The following NUMB variants were observed in gnomAD, a reference collection of about 807,000 sequenced individuals.
NUMB encodes NUMB endocytic adaptor protein.
NUMB carries 29 observed loss-of-function variants against 59.7 expected under a neutral mutation model. The observed-to-expected ratio is 0.49, with a 90% CI of 0.36 to 0.66. The LOEUF (loss-of-function observed/expected upper bound fraction) is 0.66. Among genes scored for constraint, NUMB ranks in the 30% least tolerant of loss-of-function variants. The pLI is 0.00. For synonymous variants in NUMB, 288 were observed against 288.2 expected, an observed-to-expected ratio of 1.00 and a Z score of 0.01; for missense variants, 723 against 822.0, an observed-to-expected ratio of 0.88 and a Z score of 1.47.
At chr14:73,349,043 T>C (rs1179613682) in intron 4 of NUMB, among the ~76,000 whole-genome samples, 2 of 152,266 alleles carry the variant, frequency 1.3e-5, no homozygotes, top group Non-Finnish European at 2.9e-5. Context: ...CAGTTATTTG[T>C]GTCTTAATAT....
At chr14:73,422,247 G>C (rs1897381607) in intron 1 of NUMB, among the ~76,000 whole-genome samples, 1 of 152,092 alleles carries the variant, frequency 6.6e-6, no homozygotes, top group African/African-American at 2.4e-5. Context: ...GGCACTCCTG[G>C]CTCCTGTTCA....
At position 73,443,282 on chromosome 14, in the gene NUMB, TG is replaced by T. The variant is rs202095423; in HGVS notation, c.-233+15210del. On this transcript the variant is annotated intron_variant, in intron 1 of 12. Coordinates refer to ENST00000555238, the MANE Select transcript of NUMB (RefSeq NM_001005743.2). ...AGAACTATACTAGCCTTTCTGAAAA[TG>T]GTATGTTTGGGTAAGAAAAAAGTAG... Among the ~76,000 whole-genome samples the T allele has an allele frequency of 4.6e-3, 706 of 152,014 alleles. 5 individuals carry two copies. The highest frequency in any genetic ancestry group is 0.03 in the South Asian group (144 of 4,818).
intron 6 of NUMB, among the ~76,000 whole-genome samples, chr14:73,308,519 C>G (rs1890591036): frequency 1.3e-5 from 2 of 152,180 alleles, no homozygotes; most frequent in Admixed American, 1.3e-4. Flanking sequence ...ATCTTCACAA[C>G]AATCACATGA....
intron 1 of NUMB, among the ~76,000 whole-genome samples, chr14:73,423,330 T>C (rs1283949398): frequency 2.8e-5 from 4 of 142,992 alleles, no homozygotes; most frequent in Admixed American, 1.4e-4. Context: ...TGAAACCCTG[T>C]CTCTACTGAA....
intron 1 of NUMB, among the ~76,000 whole-genome samples, chr14:73,439,577 G>A (rs930271654): frequency 6.6e-6 from 1 of 152,046 alleles, no homozygotes; most frequent in Non-Finnish European, 1.5e-5. Context: ...AATTTATCAA[G>A]GTTAATACAA....
At chr14:73,408,862 A>G (rs1187736928) in intron 2 of NUMB, among the ~76,000 whole-genome samples, 1 of 149,032 alleles carries the variant, frequency 6.7e-6, no homozygotes, top group Non-Finnish European at 1.5e-5. Flanking sequence ...GGGCAACAAG[A>G]GCAAAACTCC....
intron 2 of NUMB, among the ~76,000 whole-genome samples, chr14:73,402,630 C>T (rs1326163067): frequency 6.6e-6 from 1 of 152,162 alleles, no homozygotes; most frequent in Non-Finnish European, 1.5e-5. Flanking sequence ...ATGTATTAGG[C>T]ACTGTATTAG....
chr14:73,437,749 G>A (rs1898118811), intron 1 of NUMB, among the ~76,000 whole-genome samples: 1 of 152,134 alleles, frequency 6.6e-6, no homozygotes, highest in Non-Finnish European at 1.5e-5. Flanking sequence ...CTAGGGAGAG[G>A]GAGGGCAAAA....
intron 4 of NUMB, among the ~76,000 whole-genome samples, chr14:73,354,330 G>A (rs1355339556): frequency 6.6e-6 from 1 of 151,882 alleles, no homozygotes; most frequent in Non-Finnish European, 1.5e-5. Flanking sequence ...TCAATGTGGT[G>A]AAACCCTGTC....
At position 73,390,146 on chromosome 14, in the gene NUMB, G is replaced by C. The variant is rs76737248; in HGVS notation, c.-101+19791C>G. On this transcript the variant is annotated intron_variant, in intron 2 of 12. Coordinates refer to ENST00000555238, the MANE Select transcript of NUMB (RefSeq NM_001005743.2). ...TAAGTACACAAAGGTAAATGTAAAA[G>C]AATGTTCATTGTAATACCATTTGTG... Among the ~76,000 whole-genome samples, 706 of 152,252 alleles carry C rather than the reference G, an allele frequency of 4.6e-3. 13 individuals are homozygous for C. Among genetic ancestry groups the C allele is most frequent in the African/African-American group, 0.016 (678 of 41,552 alleles).
At chr14:73,444,256 A>G (rs139720321) in intron 1 of NUMB, among the ~76,000 whole-genome samples, 1,702 of 151,644 alleles carry the variant, frequency 0.011, 28 homozygotes, top group African/African-American at 0.039. Context: ...AAAATTAGCC[A>G]GGTGTGGTGG....
intron 6 of NUMB, among the ~76,000 whole-genome samples, chr14:73,311,030 C>A (rs892185359): frequency 6.6e-6 from 1 of 152,098 alleles, no homozygotes; most frequent in Non-Finnish European, 1.5e-5. Context: ...TATTGGCTTT[C>A]CTAAGGCAAT....
chr14:73,306,034 T>C (rs1890410299), intron 6 of NUMB, among the ~76,000 whole-genome samples: 1 of 152,220 alleles, frequency 6.6e-6, no homozygotes, highest in Non-Finnish European at 1.5e-5. Context: ...TTTTGTCTTA[T>C]AATTCCAAAA....
At chr14:73,395,027 ATTCGTGTG>A (rs1896048518) in intron 2 of NUMB, among the ~76,000 whole-genome samples, 1 of 88,862 alleles carries the variant, frequency 1.1e-5, no homozygotes, top group African/African-American at 3.7e-5. Flanking sequence ...GTTGAATAGT[ATTCGTGTG>A]TTTGTGTGTG....
rs929815984 is a variant in NUMB at position 73,277,072 on chromosome 14, G to A, written c.1462C>T (p.Leu488Phe). 6.2e-7 allele frequency: 1 copy of A among 1,614,152 alleles called. No homozygotes were observed. Among genetic ancestry groups the A allele is most frequent in the Admixed American group, 1.7e-5 (1 of 60,020 alleles). Reference sequence around the variant, plus strand: ...CCCACTGGCACAGGCTGAGAGGTGAGGAATGCATTCCCTTGGAAAGGTGAT... The same window carrying A: ...CCCACTGGCACAGGCTGAGAGGTGAAGAATGCATTCCCTTGGAAAGGTGAT... ...PASPFQGNAF[L>F]TSQPVPVGVV... is the part of the protein sequence containing the mutation. The change falls in exon 13 of 13, where the codon CTC (leucine) becomes TTC (phenylalanine). Residue 488 changes from leucine to phenylalanine, a missense_variant. By Grantham distance (22) the Leu-to-Phe change is conservative. Coordinates refer to ENST00000555238, the MANE Select transcript of NUMB (RefSeq NM_001005743.2).
chr14:73,286,391 T>C (rs1344846021), intron 9 of NUMB: 2 of 152,114 alleles, frequency 1.3e-5, no homozygotes, highest in African/African-American at 4.8e-5. Context: ...GCTTGTCTTG[T>C]TGGTTTTAAC....
chr14:73,426,101 T>G (rs1897566276), intron 1 of NUMB, among the ~76,000 whole-genome samples: 2 of 152,224 alleles, frequency 1.3e-5, no homozygotes, highest in South Asian at 4.1e-4. Context: ...TGAGCCACCG[T>G]GCCCAGCCTC....
intron 4 of NUMB, among the ~76,000 whole-genome samples, chr14:73,353,074 T>C (rs1405550298): frequency 1.5e-5 from 1 of 66,832 alleles, no homozygotes; most frequent in Non-Finnish European, 2.5e-5. Flanking sequence ...TTTTTCTTGT[T>C]TTTTTTTTTT....
At chr14:73,286,858 G>C (rs1889040628) in intron 9 of NUMB, 1 of 495,146 alleles carries the variant, frequency 2.0e-6, no homozygotes, top group African/African-American at 1.9e-5. Context: ...GGGGGTAAGA[G>C]ATGTCTCTGC....
Sources: gnomAD v4.1 joint callset for allele counts (sites outside exome capture counted in the v4.1 genomes callset) on GRCh38, gnomAD v4.1.1 for gene constraint, MANE v1.5 for transcripts, NCBI Gene and HGNC (gene_info 2026-07-23, HGNC 2026-07-21) for gene names.